The following COL4A6 variants were observed in gnomAD, a reference collection of about 807,000 sequenced individuals.
The protein encoded by COL4A6 is collagen type IV alpha 6 chain.
In COL4A6, 59 loss-of-function variants were observed where a neutral mutation model predicts 126.7. The observed-to-expected ratio is 0.47, with a 90% CI of 0.38 to 0.58. The LOEUF (loss-of-function observed/expected upper bound fraction) is 0.58, where lower values mean the gene tolerates loss of function less well. Ranked by LOEUF, COL4A6 falls within the 20% of genes least tolerant of loss-of-function variation. The pLI is 0.00. For missense variants in COL4A6, 1,285 were observed against 1,337.3 expected, an observed-to-expected ratio of 0.96 and a Z score of 0.61; for synonymous variants, 547 against 496.6, an observed-to-expected ratio of 1.10 and a Z score of -1.35.
At chrX:108,367,566 G>A (rs181711843) in intron 2 of COL4A6, among the ~76,000 whole-genome samples, 2 of 111,716 alleles carry the variant, frequency 1.8e-5, no homozygotes, top group Non-Finnish European at 3.8e-5. Flanking sequence ...CACGATGAGA[G>A]GAAATGCATT....
intron 2 of COL4A6, among the ~76,000 whole-genome samples, chrX:108,356,670 A>ATAT (rs2039967611): frequency 8.9e-6 from 1 of 112,218 alleles, no homozygotes; most frequent in Non-Finnish European, 1.9e-5. Flanking sequence ...CAGTGTAAGA[A>ATAT]TATTAGCCCT....
chrX:108,160,053 CAATT>C (rs1344842775), intron 43 of COL4A6, among the ~76,000 whole-genome samples: 2 of 112,430 alleles, frequency 1.8e-5, no homozygotes, highest in East Asian at 5.6e-4. Context: ...CTGCAGACAA[CAATT>C]AATTCTCAGG....
rs752496005 is a variant in COL4A6, at chrX:108,155,969, C to T, written c.*1031G>A. On this transcript the variant is annotated 3_prime_UTR_variant, in exon 45 of 45. Transcript: ENST00000334504. ...AAACATATTAAAATAGTTTAATAGG[C>T]TACCTGTGAAAGAGCAATTGGATAA... is the stretch of plus-strand genomic sequence containing the variant. 1 of 112,203 alleles carries T rather than the reference C, an allele frequency of 8.9e-6. No individual in the cohort carries two copies. The highest frequency in any genetic ancestry group is 3.2e-5 in the African/African-American group (1 of 30,866). The allele number at this position is 112,203 out of a possible 1,213,427, so 9.2% of individuals were successfully genotyped here. A position where few individuals can be genotyped will look rare whatever the true frequency, so the allele number is the denominator to read the frequency against.
intron 2 of COL4A6, among the ~76,000 whole-genome samples, chrX:108,356,379 T>C (rs1218040785): frequency 1.8e-5 from 2 of 110,650 alleles, no homozygotes; most frequent in African/African-American, 6.6e-5. Context: ...GTCTTAACCA[T>C]ATGGGAGGGG....
At chrX:108,277,716 G>A (rs1444452656) in intron 3 of COL4A6, among the ~76,000 whole-genome samples, 3 of 112,115 alleles carry the variant, frequency 2.7e-5, no homozygotes, top group South Asian at 3.8e-4. Flanking sequence ...CCTGACCCCC[G>A]AGCAGCCTAA....
intron 3 of COL4A6, 101 bp downstream of exon 3, chrX:108,310,647 T>A (rs2038738778): frequency 4.3e-6 from 3 of 701,719 alleles, no homozygotes; most frequent in Non-Finnish European, 6.5e-6. Context: ...GCTTGTTCCA[T>A]GAGGTCATAA....
intron 3 of COL4A6, among the ~76,000 whole-genome samples, chrX:108,237,304 C>T (rs1196643295): frequency 9.0e-6 from 1 of 111,654 alleles, no homozygotes; most frequent in Non-Finnish European, 1.9e-5. Context: ...AATCCACACT[C>T]CTTAATCACA....
chrX:108,334,886 G>T (rs1159759026), intron 2 of COL4A6, among the ~76,000 whole-genome samples: 2 of 111,609 alleles, frequency 1.8e-5, no homozygotes, highest in Non-Finnish European at 3.8e-5. Flanking sequence ...TGAGTGCAGA[G>T]TATCACAGAT....
chrX:108,409,487 C>G (rs777729682), intron 2 of COL4A6, among the ~76,000 whole-genome samples: 6 of 111,665 alleles, frequency 5.4e-5, no homozygotes, highest in Admixed American at 9.5e-5. Context: ...GAGGTGAGTA[C>G]TATTATTTTA....
At chrX:108,327,726 T>C (rs1639071725) in intron 2 of COL4A6, among the ~76,000 whole-genome samples, 1 of 109,972 alleles carries the variant, frequency 9.1e-6, no homozygotes, top group African/African-American at 3.3e-5. Context: ...ATTATCTTCA[T>C]TGTGGTGATG....
At chrX:108,374,677 C>T (rs906664173) in intron 2 of COL4A6, among the ~76,000 whole-genome samples, 8 of 111,780 alleles carry the variant, frequency 7.2e-5, no homozygotes, top group Non-Finnish European at 1.3e-4. Context: ...GCAATCTGGC[C>T]AAAGAAAAAG....
At chrX:108,276,222 T>C (rs2037598698) in intron 3 of COL4A6, among the ~76,000 whole-genome samples, 1 of 112,835 alleles carries the variant, frequency 8.9e-6, no homozygotes, top group Non-Finnish European at 1.9e-5. Flanking sequence ...TAATACCACA[T>C]CTTCTTTTTA....
At chrX:108,300,679 A>T (rs771810938) in intron 3 of COL4A6, among the ~76,000 whole-genome samples, 14 of 108,490 alleles carry the variant, frequency 1.3e-4, no homozygotes, top group Non-Finnish European at 1.9e-5. Flanking sequence ...GTGATTTACC[A>T]TTTAGACTTT....
At chrX:108,194,414 T>A in intron 16 of COL4A6, 120 bp downstream of exon 16, 1 of 711,649 alleles carries the variant, frequency 1.4e-6, no homozygotes, top group South Asian at 2.9e-5. Context: ...ATGCATTTCT[T>A]AAGAAAAAAT....
At chrX:108,242,823 A>G (rs137968269) in intron 3 of COL4A6, among the ~76,000 whole-genome samples, 113 of 111,355 alleles carry the variant, frequency 1.0e-3, no homozygotes, top group African/African-American at 3.4e-3. Context: ...TCACCAGTGC[A>G]CCACCTCATG....
chrX:108,424,840 C>T (rs1418292231), intron 2 of COL4A6, among the ~76,000 whole-genome samples: 1 of 110,601 alleles, frequency 9.0e-6, no homozygotes, highest in Non-Finnish European at 1.9e-5. Flanking sequence ...GTGAAAACCC[C>T]ATCTCTACAA....
chrX:108,275,395 T>A (rs1012564455), intron 3 of COL4A6, among the ~76,000 whole-genome samples: 25 of 112,233 alleles, frequency 2.2e-4, no homozygotes, highest in African/African-American at 7.1e-4. Flanking sequence ...TTATCCTGTG[T>A]TTTCCTATCT....
intron 3 of COL4A6, among the ~76,000 whole-genome samples, chrX:108,247,022 A>G (rs2036735012): frequency 8.9e-6 from 1 of 111,732 alleles, no homozygotes; most frequent in Admixed American, 9.5e-5. Flanking sequence ...GAGCACTAGT[A>G]CAATGCCTGA....
At chrX:108,187,763 T>C in intron 22 of COL4A6, 85 bp downstream of exon 22, 2 of 946,887 alleles carry the variant, frequency 2.1e-6, no homozygotes, top group Non-Finnish European at 2.9e-6. Flanking sequence ...TCTTCCCTGT[T>C]TCATGGTCCA....
Sources: gnomAD v4.1 joint callset for allele counts (sites outside exome capture counted in the v4.1 genomes callset) on GRCh38, gnomAD v4.1.1 for gene constraint, MANE v1.5 for transcripts, NCBI Gene and HGNC (gene_info 2026-07-23, HGNC 2026-07-21) for gene names.